SAMD8: variants seen among roughly 807,000 people sequenced by gnomAD.
SAMD8 encodes the protein sphingomyelin synthase-related protein 1.
A neutral mutation model predicts 42.0 loss-of-function variants in SAMD8; 20 were observed. The ratio of observed to expected loss-of-function variants is 0.48; its 90% CI spans 0.34 to 0.69. The LOEUF is 0.69. Ranked by LOEUF, SAMD8 falls within the 30% of genes least tolerant of loss-of-function variation. The pLI is 0.01. For missense variants in SAMD8, 328 were observed against 511.6 expected, an observed-to-expected ratio of 0.64 and a Z score of 3.46; for synonymous variants, 162 against 173.0, an observed-to-expected ratio of 0.94 and a Z score of 0.50.
chr10:75,127,799 G>A (rs923964253), intron 1 of SAMD8, among the ~76,000 whole-genome samples: 3 of 152,164 alleles, frequency 2.0e-5, no homozygotes, highest in Non-Finnish European at 4.4e-5. Context: ...AAGTCCTCTT[G>A]AGACATTTTA....
chr10:75,151,032 C>G lies in SAMD8; in HGVS notation c.504C>G (p.Phe168Leu). The change falls in exon 2 of 6, where the codon TTC becomes TTG. Residue 168 changes from phenylalanine to leucine, a missense_variant. Physicochemically the swap from Phe to Leu is conservative, Grantham distance 22. Transcript: ENST00000542569. ...TTATAGTATTTGGATTTACATCTTT[C>G]ATTATGGTTATAGTCCATGAGCGAG... ...YVFIVFGFTS[F>L]IMVIVHERVP... 6.2e-7 allele frequency: 1 copy of G among 1,602,514 alleles called. No individual in the cohort carries two copies. Among genetic ancestry groups the G allele is most frequent in the Non-Finnish European group, 8.5e-7 (1 of 1,173,702 alleles).
At chr10:75,160,243 C>T (rs183122452) in intron 2 of SAMD8, among the ~76,000 whole-genome samples, 72 of 152,182 alleles carry the variant, frequency 4.7e-4, no homozygotes, top group African/African-American at 1.7e-3. Context: ...GTCGCCCAGG[C>T]TGGAGTGCAG....
chr10:75,127,789 A>G, intron 1 of SAMD8, among the ~76,000 whole-genome samples: 1 of 152,232 alleles, frequency 6.6e-6, no homozygotes, highest in East Asian at 1.9e-4. Flanking sequence ...TTAAATAAAC[A>G]AGTCCTCTTG....
intron 1 of SAMD8, among the ~76,000 whole-genome samples, chr10:75,149,719 C>A (rs1255666897): frequency 6.6e-6 from 1 of 152,014 alleles, no homozygotes; most frequent in Non-Finnish European, 1.5e-5. Flanking sequence ...GGATTTTTTT[C>A]TCTTTTCTTT....
At chr10:75,133,248 C>T (rs974486450) in intron 1 of SAMD8, among the ~76,000 whole-genome samples, 1 of 151,224 alleles carries the variant, frequency 6.6e-6, no homozygotes, top group African/African-American at 2.4e-5. Context: ...AAAAAAAATA[C>T]AAAAATTAGC....
chr10:75,161,081 A>G (rs1485187941), intron 2 of SAMD8, among the ~76,000 whole-genome samples: 3 of 151,998 alleles, frequency 2.0e-5, no homozygotes, highest in African/African-American at 4.8e-5. Flanking sequence ...AAAAAAATCT[A>G]CTTAAGCTTT....
chr10:75,147,061 T>C (rs1053296352), intron 1 of SAMD8, among the ~76,000 whole-genome samples: 1 of 152,192 alleles, frequency 6.6e-6, no homozygotes, highest in African/African-American at 2.4e-5. Flanking sequence ...GTATAACTTA[T>C]ATTTTCTAGC....
At chr10:75,110,206 G>T (rs1589925472), upstream of SAMD8, among the ~76,000 whole-genome samples, 2 of 152,328 alleles carry the variant, frequency 1.3e-5, no homozygotes, top group South Asian at 4.1e-4. Flanking sequence ...TGTCAAATGG[G>T]GAGACGGGAG....
At position 75,178,389 on chromosome 10, in the gene SAMD8, A is replaced by C. The variant is rs1288539104; in HGVS notation, c.*1697A>C. 1.3e-5 allele frequency: 2 copies of C among 152,238 alleles called. No homozygotes were observed. Among genetic ancestry groups the C allele is most frequent in the Admixed American group, 6.5e-5 (1 of 15,280 alleles). 9.4% of individuals were successfully genotyped at this position (152,238 alleles called of 1,614,324 possible). ...CAAAATGCCAACATCTCATGTAAAG[A>C]AGTTGCATAATCATGAAAAATAAAG... On this transcript the variant is annotated 3_prime_UTR_variant, in exon 6 of 6. Coordinates refer to ENST00000542569, the MANE Select transcript of SAMD8 (RefSeq NM_001174156.2).
upstream of SAMD8, chr10:75,108,223 G>C: frequency 1.3e-6 from 2 of 1,584,276 alleles, no homozygotes; most frequent in Non-Finnish European, 1.7e-6. Context: ...GGGAGGGCAG[G>C]AAGGGCACTT....
At chr10:75,120,061 C>T (rs1455452434) in intron 1 of SAMD8, among the ~76,000 whole-genome samples, 3 of 152,082 alleles carry the variant, frequency 2.0e-5, no homozygotes, top group Non-Finnish European at 4.4e-5. Flanking sequence ...GAGTGAGACA[C>T]TGTCTCAAAA....
At chr10:75,141,770 T>C (rs1278898212) in intron 1 of SAMD8, among the ~76,000 whole-genome samples, 1 of 151,888 alleles carries the variant, frequency 6.6e-6, no homozygotes, top group Non-Finnish European at 1.5e-5. Context: ...CTCGATCTCC[T>C]GACCTCATGA....
chr10:75,108,129 C>T (rs1183378226), upstream of SAMD8: 4 of 1,613,542 alleles, frequency 2.5e-6, no homozygotes, highest in Admixed American at 6.7e-5. Flanking sequence ...GCCGCCCTGA[C>T]AGTAGAGGCC....
At chr10:75,151,234 C>T (rs372287835) in intron 2 of SAMD8, 128 bp downstream of exon 2, 10 of 487,518 alleles carry the variant, frequency 2.1e-5, no homozygotes, top group African/African-American at 1.0e-4. Flanking sequence ...CTTTATCTGG[C>T]GGTATAAAAT....
chr10:75,142,704 G>A (rs997003663), intron 1 of SAMD8, among the ~76,000 whole-genome samples: 28 of 152,172 alleles, frequency 1.8e-4, no homozygotes, highest in Admixed American at 5.9e-4. Context: ...CAAAGTGCTG[G>A]GATTACAGGC....
upstream of SAMD8, among the ~76,000 whole-genome samples, chr10:75,108,503 C>T (rs141673402): frequency 6.6e-6 from 1 of 152,184 alleles, no homozygotes; most frequent in Non-Finnish European, 1.5e-5. Flanking sequence ...AGCCCTGGAA[C>T]CTGGCTGCCC....
intron 3 of SAMD8, among the ~76,000 whole-genome samples, chr10:75,167,324 A>G (rs963792855): frequency 2.0e-5 from 3 of 152,148 alleles, no homozygotes; most frequent in Non-Finnish European, 2.9e-5. Flanking sequence ...TGACATGATC[A>G]TGGCTCACTG....
chr10:75,115,679 G>A (rs866224559), intron 1 of SAMD8, among the ~76,000 whole-genome samples: 31 of 152,060 alleles, frequency 2.0e-4, no homozygotes, highest in African/African-American at 1.7e-4. Flanking sequence ...GGTGGCTCAC[G>A]CCTGTAATCT....
At chr10:75,130,078 G>A (rs891728703) in intron 1 of SAMD8, among the ~76,000 whole-genome samples, 20 of 152,052 alleles carry the variant, frequency 1.3e-4, no homozygotes, top group African/African-American at 4.6e-4. Context: ...TACTTATTTA[G>A]GAAGTTGTCA....
Sources: gnomAD v4.1 joint callset for allele counts (sites outside exome capture counted in the v4.1 genomes callset) on GRCh38, gnomAD v4.1.1 for gene constraint, MANE v1.5 for transcripts, NCBI Gene and HGNC (gene_info 2026-07-23, HGNC 2026-07-21) for gene names.